Variants in TRPM8 observed in about 807,000 individuals in gnomAD.
TRPM8 encodes the protein TRPM8 cationic channel.
Under a neutral mutation model 133.7 loss-of-function variants are expected in TRPM8, and 110 were observed. The ratio of observed to expected loss-of-function variants is 0.82; its 90% CI spans 0.70 to 0.96. The LOEUF (loss-of-function observed/expected upper bound fraction) is 0.96. Ranked by LOEUF, TRPM8 falls within the 40% of genes least tolerant of loss-of-function variation. The pLI, the probability that TRPM8 is intolerant of heterozygous loss-of-function variation, is 0.00. For missense variants in TRPM8, 1,291 were observed against 1,379.5 expected, an observed-to-expected ratio of 0.94 and a Z score of 1.02; for synonymous variants, 535 against 532.3, an observed-to-expected ratio of 1.01 and a Z score of -0.07.
chr2:233,974,370 A>G (rs1163356745), intron 17 of TRPM8, among the ~76,000 whole-genome samples: 1 of 152,026 alleles, frequency 6.6e-6, no homozygotes, highest in Non-Finnish European at 1.5e-5. Flanking sequence ...AGTATCTGGG[A>G]CTACAGGCAC....
chr2:233,982,738 G>A lies in TRPM8; in HGVS notation c.2590-315G>A, dbSNP rs28902203. ...AAATCATGAGGTACAGGGACAGAGA[G>A]GTCCTCCAAAACTTAGATTCCTCCT... is the stretch of plus-strand genomic sequence containing the variant. On this transcript the variant is annotated intron_variant, in intron 19 of 25. Coordinates refer to ENST00000324695, the MANE Select transcript of TRPM8 (RefSeq NM_024080.5). Among the ~76,000 whole-genome samples, 1,300 of 152,336 alleles carry A rather than the reference G, an allele frequency of 8.5e-3. 14 individuals carry two copies. The highest frequency in any genetic ancestry group is 0.03 in the African/African-American group (1,241 of 41,568).
chr2:233,953,572 G>A (rs1261632964), intron 9 of TRPM8: 1 of 166,922 alleles, frequency 6.0e-6, no homozygotes, highest in Admixed American at 6.2e-5. Flanking sequence ...GGTGTCTACA[G>A]TCTTCTATTG....
At chr2:233,987,973 T>C (rs1167634231) in intron 21 of TRPM8, among the ~76,000 whole-genome samples, 2 of 111,808 alleles carry the variant, frequency 1.8e-5, no homozygotes, top group Non-Finnish European at 3.6e-5. Context: ...ATTAAACCTC[T>C]TTTTTTTTTT....
chr2:234,017,117 C>G (rs1692973763), intron 25 of TRPM8, among the ~76,000 whole-genome samples, 182 bp from the exon 26 acceptor site: 1 of 151,742 alleles, frequency 6.6e-6, no homozygotes, highest in Admixed American at 6.6e-5. Flanking sequence ...GAATACACAT[C>G]TTTAAGAGAA....
At chr2:233,958,692 T>C (rs1691353791) in intron 11 of TRPM8, among the ~76,000 whole-genome samples, 1 of 152,102 alleles carries the variant, frequency 6.6e-6, no homozygotes, top group Admixed American at 6.6e-5. Context: ...TTTCCAGAGG[T>C]AGCCCCCTCT....
chr2:233,951,916 A>G (rs976299269), intron 9 of TRPM8, among the ~76,000 whole-genome samples: 1 of 152,152 alleles, frequency 6.6e-6, no homozygotes, highest in Non-Finnish European at 1.5e-5. Flanking sequence ...CTCGCTGACT[A>G]TGTGGACAAG....
At chr2:233,993,991 A>G (rs572147424) in intron 21 of TRPM8, among the ~76,000 whole-genome samples, 7 of 152,250 alleles carry the variant, frequency 4.6e-5, no homozygotes, top group African/African-American at 1.7e-4. Flanking sequence ...TAGAGCATCT[A>G]TTTCTTTTTT....
chr2:234,015,165 T>C (rs1338466609), intron 25 of TRPM8, among the ~76,000 whole-genome samples: 1 of 152,210 alleles, frequency 6.6e-6, no homozygotes, highest in African/African-American at 2.4e-5. Flanking sequence ...TAACAATAGC[T>C]CTTTTGCACA....
intron 3 of TRPM8, among the ~76,000 whole-genome samples, chr2:233,931,321 T>C (rs567116528): frequency 6.6e-6 from 1 of 152,288 alleles, no homozygotes; most frequent in African/African-American, 2.4e-5. Context: ...GAAGATGCAT[T>C]TGAATCTAAT....
rs1691263194 is a variant in TRPM8, at chr2:233,955,213, C to T, written c.1325C>T (p.Ala442Val). 12 of 1,614,082 alleles carry T rather than the reference C, an allele frequency of 7.4e-6. No individual in the cohort carries two copies. In the East Asian group the frequency reaches 2.2e-4, roughly 30 times the overall value. The change falls in exon 11 of 26, where the codon GCC (alanine) becomes GTC (valine). Residue 442 changes from alanine (A) to valine (V), a missense_variant. Transcript: ENST00000324695. Reference protein sequence around the residue: ...LLLEWNQLDLANDEIFTNDRR... With the variant: ...LLLEWNQLDLVNDEIFTNDRR... Reference sequence around the variant, plus strand: ...CTGGAGTGGAACCAGCTGGACTTAGCCAATGATGAGATTTTCACCAATGAC... The same window carrying T: ...CTGGAGTGGAACCAGCTGGACTTAGTCAATGATGAGATTTTCACCAATGAC...
At chr2:233,978,831 G>C (rs1308028054) in intron 17 of TRPM8, among the ~76,000 whole-genome samples, 1 of 152,140 alleles carries the variant, frequency 6.6e-6, no homozygotes, top group Non-Finnish European at 1.5e-5. Context: ...ACATTTCCTG[G>C]GTGCTTGATT....
rs562651702 is a variant in TRPM8, at chr2:233,937,839, C to T, written c.348+330C>T. Among the ~76,000 whole-genome samples the T allele has an allele frequency of 2.6e-5, 4 of 152,308 alleles. No individual in the cohort carries two copies. The South Asian group carries it at 6.2e-4, about 24-fold the overall frequency. On this transcript the variant is annotated intron_variant, in intron 4 of 25. Coordinates refer to ENST00000324695, the MANE Select transcript of TRPM8 (RefSeq NM_024080.5). ...TTGTGAACCCTACTGCTTAGCTCTG[C>T]GTACTCCTGAGGTACATATGGCCCT...
chr2:233,917,405 T>C lies in TRPM8; in HGVS notation c.-33T>C, dbSNP rs907993188. ...AGCAGGATCCTTGGGTGAAAGAAAA[T>C]CCTGCTTGACAAAAACCGTCACTTA... is the stretch of plus-strand genomic sequence containing the variant. On this transcript the variant is annotated 5_prime_UTR_variant, in exon 1 of 26. Transcript: ENST00000324695. 1.3e-5 allele frequency: 2 copies of C among 152,170 alleles called. No individual in the cohort carries two copies. Among genetic ancestry groups the C allele is most frequent in the African/African-American group, 4.8e-5 (2 of 41,448 alleles). The allele number at this position is 152,170 out of a possible 1,614,324, so 9.4% of individuals were successfully genotyped here. A position where few individuals can be genotyped will look rare whatever the true frequency, so the allele number is the denominator to read the frequency against.
At chr2:233,942,344 C>T (rs1574706566) in intron 5 of TRPM8, among the ~76,000 whole-genome samples, 2 of 152,262 alleles carry the variant, frequency 1.3e-5, no homozygotes, top group South Asian at 4.1e-4. Flanking sequence ...TCCCAAAGTG[C>T]TGGGATTATA....
rs777642177 is a variant in TRPM8 at position 233,983,168 on chromosome 2, C to T, written c.2705C>T (p.Ser902Leu). 3.2e-5 allele frequency: 51 copies of T among 1,613,982 alleles called. 2 individuals are homozygous for T. In the South Asian group the frequency reaches 3.4e-4, roughly 11 times the overall value. Reference protein sequence around the residue: ...NEQRWRWIFRSVIYEPYLAMF... With the variant: ...NEQRWRWIFRLVIYEPYLAMF... ...CAGCGCTGGAGGTGGATATTCCGTT[C>T]GGTCATCTACGAGCCCTACCTGGCC... The change falls in exon 20 of 26, where the codon TCG (serine) becomes TTG (leucine). Residue 902 changes from serine to leucine, a missense_variant. Physicochemically the swap from Ser to Leu is moderately radical, Grantham distance 145. Around this residue, in one of 2 missense-constraint regions of TRPM8, gnomAD observed 328 missense variants for 410.6 expected, o/e 0.80. Coordinates refer to ENST00000324695, the MANE Select transcript of TRPM8 (RefSeq NM_024080.5).
intron 19 of TRPM8, 58 bp from the exon 20 acceptor site, chr2:233,982,995 G>T: frequency 6.4e-7 from 1 of 1,569,144 alleles, no homozygotes; most frequent in Non-Finnish European, 8.7e-7. Context: ...GCCGGGCCGG[G>T]GGGACTTGCC....
chr2:234,010,076 T>C (rs1045828930), intron 24 of TRPM8, among the ~76,000 whole-genome samples: 1 of 152,224 alleles, frequency 6.6e-6, no homozygotes, highest in African/African-American at 2.4e-5. Context: ...AGTTGATCTC[T>C]AGAATTTATT....
In TRPM8 at chr2:233,980,199, TG is replaced by T; in HGVS notation, c.2371del (p.Val791Ter). ...CTTTCTGTACGCAGTGGTACGTAAA[TG>T]GGGTGAATTATTTTACTGACCTGTG... ...CDEVRQWYVN[G>X]VNYFTDLWNV... is the part of the protein sequence containing the mutation. On this transcript the variant is annotated frameshift_variant, in exon 18 of 26. Transcript: ENST00000324695. LOFTEE classifies it high-confidence loss of function. 4 of 1,602,366 alleles carry T rather than the reference TG, an allele frequency of 2.5e-6. No homozygotes were observed. The highest frequency in any genetic ancestry group is 3.4e-6 in the Non-Finnish European group (4 of 1,175,040).
chr2:233,990,372 G>A (rs911395840), intron 21 of TRPM8, among the ~76,000 whole-genome samples: 5 of 152,142 alleles, frequency 3.3e-5, no homozygotes, highest in South Asian at 4.1e-4. Context: ...CGGTCAGAAC[G>A]GGCCACTCAA....
Sources: gnomAD v4.1 joint callset for allele counts (sites outside exome capture counted in the v4.1 genomes callset) on GRCh38, gnomAD v4.1.1 for gene constraint, gnomAD v4.1.1 regional missense constraint, MANE v1.5 for transcripts, NCBI Gene and HGNC (gene_info 2026-07-23, HGNC 2026-07-21) for gene names.